HNRNPUL1: variants seen among roughly 807,000 people sequenced by gnomAD.
The protein encoded by HNRNPUL1 is heterogeneous nuclear ribonucleoprotein U-like protein 1.
HNRNPUL1 carries 14 observed loss-of-function variants against 108.5 expected under a neutral mutation model. The observed-to-expected ratio is 0.13, with a 90% CI of 0.09 to 0.20. The LOEUF is 0.20. Ranked by LOEUF, HNRNPUL1 falls within the 10% of genes least tolerant of loss-of-function variation. The pLI is 1.00. For synonymous variants in HNRNPUL1, 422 were observed against 445.2 expected, an observed-to-expected ratio of 0.95 and a Z score of 0.66; for missense variants, 804 against 1,168.3, an observed-to-expected ratio of 0.69 and a Z score of 4.55.
chr19:41,276,293 A>T lies in HNRNPUL1; in HGVS notation c.781A>T (p.Met261Leu). 6.2e-7 allele frequency: 1 copy of T among 1,603,840 alleles called. No homozygotes were observed. Among genetic ancestry groups the T allele is most frequent in the East Asian group, 2.2e-5 (1 of 44,542 alleles). The change falls in exon 5 of 15, where the codon ATG becomes TTG. Residue 261 changes from methionine (M) to leucine (L), a missense_variant. By Grantham distance (15) the Met-to-Leu change is conservative. Coordinates refer to ENST00000392006, the MANE Select transcript of HNRNPUL1 (RefSeq NM_007040.6). ...CAGAAGGGGCCGTGTATGCTTCGAGATGAAGGTGAGTAGGAGCAAGAGAAG... is the reference window on the plus strand; with the variant it reads ...CAGAAGGGGCCGTGTATGCTTCGAGTTGAAGGTGAGTAGGAGCAAGAGAAG... ...GVRRGRVCFEMKINEEISVKH... is the reference protein window; with the variant it reads ...GVRRGRVCFELKINEEISVKH...
intron 7 of HNRNPUL1, among the ~76,000 whole-genome samples, chr19:41,282,618 C>G (rs1253876014): frequency 3.3e-5 from 5 of 152,132 alleles, no homozygotes; most frequent in African/African-American, 1.2e-4. Context: ...TGTACATACA[C>G]ATAGAGAGTT....
At position 41,292,640 on chromosome 19, in the gene HNRNPUL1, A is replaced by C; in HGVS notation, c.1266+129A>C. The C allele has an allele frequency of 8.6e-7, 1 of 1,157,892 alleles. No homozygotes were observed. The allele number at this position is 1,157,892 out of a possible 1,614,324, so 71.7% of individuals were successfully genotyped here. On this transcript the variant is annotated intron_variant, in intron 8 of 14. Coordinates refer to ENST00000392006, the MANE Select transcript of HNRNPUL1 (RefSeq NM_007040.6). The surrounding 1 kb of genome is among the most constrained non-coding windows in gnomAD (Gnocchi z 4.1). ...AGTGGCCACTTTGTCCCAGCTCCTC[A>C]GGGTTGGACTCAGAGCTGAAAAGCT... is the stretch of plus-strand genomic sequence containing the variant.
chr19:41,284,984 A>G (rs889353994), intron 7 of HNRNPUL1, among the ~76,000 whole-genome samples: 2 of 149,366 alleles, frequency 1.3e-5, no homozygotes, highest in Admixed American at 1.3e-4. Flanking sequence ...TAACAGAGCA[A>G]GACTCTGTCT....
intron 3 of HNRNPUL1, among the ~76,000 whole-genome samples, chr19:41,272,637 AC>A (rs1383167385): frequency 1.3e-5 from 2 of 152,194 alleles, no homozygotes; most frequent in Non-Finnish European, 2.9e-5. Flanking sequence ...CAGTGCTGTC[AC>A]GAAGTGCCCA....
chr19:41,264,285 C>T, upstream of HNRNPUL1: 1 of 407,154 alleles, frequency 2.5e-6, no homozygotes, highest in East Asian at 3.6e-5. Flanking sequence ...TTTCCGGGCC[C>T]GCGCCCGTTG....
chr19:41,267,950 G>T, intron 1 of HNRNPUL1: 2 of 270,958 alleles, frequency 7.4e-6, no homozygotes, highest in East Asian at 8.1e-5. Context: ...TTCATTCCTG[G>T]TACTACTTTG....
chr19:41,265,107 T>G (rs901938413), intron 1 of HNRNPUL1: 7 of 1,398,866 alleles, frequency 5.0e-6, no homozygotes, highest in East Asian at 5.7e-5. Context: ...CCGAAGAGAG[T>G]CGGAAGAACA....
intron 2 of HNRNPUL1, among the ~76,000 whole-genome samples, chr19:41,271,251 G>A (rs1466665384): frequency 6.6e-6 from 1 of 152,188 alleles, no homozygotes; most frequent in Non-Finnish European, 1.5e-5. Context: ...TTTGTGTCAG[G>A]CTCTGTGAGA....
upstream of HNRNPUL1, among the ~76,000 whole-genome samples, chr19:41,263,445 G>A (rs903295451): frequency 1.3e-5 from 2 of 152,122 alleles, no homozygotes; most frequent in African/African-American, 4.8e-5. Flanking sequence ...GGGAGGGGAA[G>A]GCTCTATGGT....
intron 7 of HNRNPUL1, among the ~76,000 whole-genome samples, chr19:41,285,836 A>G (rs2036188862): frequency 6.6e-6 from 1 of 152,256 alleles, no homozygotes; most frequent in East Asian, 1.9e-4. Flanking sequence ...ACCAACCCCC[A>G]TGCGGTCAAA....
Position 41,290,436 on chromosome 19 carries a change from C to T in HNRNPUL1, c.1000-1809C>T, listed in dbSNP as rs10414801. ...GCTCCTCTATTCAAAATAAGTCAGA[C>T]ACTCTGCTCTGCCACCAGCATCAAG... On this transcript the variant is annotated intron_variant, in intron 7 of 14. Transcript: ENST00000392006. Among the ~76,000 whole-genome samples, 964 of 152,276 alleles carry T rather than the reference C, an allele frequency of 6.3e-3. 9 individuals carry two copies. Among genetic ancestry groups the T allele is most frequent in the African/African-American group, 0.022 (911 of 41,548 alleles).
chr19:41,264,332 G>T, upstream of HNRNPUL1: 1 of 503,852 alleles, frequency 2.0e-6, no homozygotes, highest in Non-Finnish European at 3.2e-6. Context: ...ATGTAACATC[G>T]GACGAGGCAC....
intron 13 of HNRNPUL1, 130 bp from the exon 14 acceptor site, chr19:41,305,542 ACAAT>A (rs1301892401): frequency 4.6e-6 from 5 of 1,096,682 alleles, no homozygotes; most frequent in Non-Finnish European, 6.8e-6. Flanking sequence ...CAGCCCACAA[ACAAT>A]GTCCACTAGG....
At chr19:41,302,980 T>G in intron 12 of HNRNPUL1, 31 bp downstream of exon 12, 1 of 1,507,368 alleles carries the variant, frequency 6.6e-7, no homozygotes. Flanking sequence ...CACTCTCCAC[T>G]TTCTGTTCCC....
At position 41,279,166 on chromosome 19, in the gene HNRNPUL1, C is replaced by T. The variant is rs1353241546; in HGVS notation, c.876C>T (p.Ser292=). 6.2e-7 allele frequency: 1 copy of T among 1,611,586 alleles called. No individual in the cohort carries two copies. Among genetic ancestry groups the T allele is most frequent in the Non-Finnish European group, 8.5e-7 (1 of 1,178,676 alleles). ...VRIGWSLDSC[S]TQLGEEPFSY... ...TCGGCTGGTCCCTGGACTCCTGCAGCACCCAGCTAGGTAAGGAGGGGTCAG... is the reference window on the plus strand; with the variant it reads ...TCGGCTGGTCCCTGGACTCCTGCAGTACCCAGCTAGGTAAGGAGGGGTCAG... Residue 292 remains serine, a synonymous_variant, in exon 6 of 15, where the codon AGC becomes AGT. Coordinates refer to ENST00000392006, the MANE Select transcript of HNRNPUL1 (RefSeq NM_007040.6).
rs564632857 is a variant in HNRNPUL1 at position 41,273,440 on chromosome 19, C to CT, written c.573-536dup. ...AGCAGAAACCAACAGTGTTAAGTCCCTTTTTTAGCGTTTTGGTAGGAAAAT... is the reference window on the plus strand; with the variant it reads ...AGCAGAAACCAACAGTGTTAAGTCCCTTTTTTTAGCGTTTTGGTAGGAAAAT... On this transcript the variant is annotated intron_variant, in intron 3 of 14. Coordinates refer to ENST00000392006, the MANE Select transcript of HNRNPUL1 (RefSeq NM_007040.6). 7.9e-5 allele frequency among the ~76,000 whole-genome samples: 12 copies of CT among 152,196 alleles called. No homozygotes were observed. The East Asian group carries it at 1.4e-3, about 17-fold the overall frequency.
At position 41,294,580 on chromosome 19, in the gene HNRNPUL1, G is replaced by A. The variant is rs369020580; in HGVS notation, c.1412G>A (p.Arg471Gln). The A allele has an allele frequency of 1.2e-5, 19 of 1,614,040 alleles. No individual in the cohort carries two copies. The highest frequency in any genetic ancestry group is 2.7e-5 in the African/African-American group (2 of 74,920). ...KMRVMGLRRQ[R>Q]NYAGRWDVLI... The stretch of plus-strand genomic sequence containing the variant: ...CAGGTGATGGGCCTACGCCGGCAGC[G>A]GAACTATGCTGGCCGCTGGGATGTC... Residue 471 changes from arginine (R) to glutamine (Q), a missense_variant, in exon 10 of 15, where the codon CGG becomes CAG. Around this residue, in one of 4 missense-constraint regions of HNRNPUL1, gnomAD observed 80 missense variants for 221.8 expected, o/e 0.36. Transcript: ENST00000392006. This position sits in a 1 kb window ranked among gnomAD's most constrained non-coding sequence, Gnocchi z 4.3.
intron 3 of HNRNPUL1, among the ~76,000 whole-genome samples, chr19:41,273,589 C>T (rs1412006100): frequency 6.6e-6 from 1 of 152,192 alleles, no homozygotes; most frequent in African/African-American, 2.4e-5. Context: ...TAGGCTCTTG[C>T]ACATTCCCCT....
At chr19:41,299,206 A>G (rs1347299054) in intron 10 of HNRNPUL1, among the ~76,000 whole-genome samples, 1 of 152,120 alleles carries the variant, frequency 6.6e-6, no homozygotes, top group Non-Finnish European at 1.5e-5. Flanking sequence ...CAAGAACAGT[A>G]TGTGTGTGCC....
Sources: gnomAD v4.1 joint callset for allele counts (sites outside exome capture counted in the v4.1 genomes callset) on GRCh38, gnomAD v4.1.1 for gene constraint, gnomAD v4.1.1 regional missense constraint, Gnocchi (gnomAD v3.1) non-coding constraint, MANE v1.5 for transcripts, NCBI Gene and HGNC (gene_info 2026-07-23, HGNC 2026-07-21) for gene names.